The following PTPRB variants were observed in gnomAD, a reference collection of about 807,000 sequenced individuals.
PTPRB encodes the protein protein tyrosine phosphatase receptor type B, also known as receptor-type tyrosine-protein phosphatase beta.
PTPRB carries 97 observed loss-of-function variants against 238.1 expected under a neutral mutation model. That is an observed-to-expected ratio of 0.41 (90% confidence interval 0.35 to 0.48). The LOEUF (loss-of-function observed/expected upper bound fraction) is 0.48. PTPRB is among the 20% of genes least tolerant of loss of function. The pLI is 0.30. For missense variants in PTPRB, 2,292 were observed against 2,681.9 expected (o/e 0.85, Z 3.21); for synonymous variants, 970 against 995.4 (o/e 0.97, Z 0.48).
At chr12:70,527,805 C>T (rs372867235) in intron 32 of PTPRB, 24 of 152,158 alleles carry the variant, frequency 1.6e-4, no homozygotes, top group African/African-American at 5.1e-4. Flanking sequence ...TGTCCTCTGT[C>T]TTTTGCTGAA....
At chr12:70,584,234 C>A (rs954477429) in intron 9 of PTPRB, among the ~76,000 whole-genome samples, 1 of 152,016 alleles carries the variant, frequency 6.6e-6, no homozygotes, top group Non-Finnish European at 1.5e-5. Context: ...TACTGTAGTT[C>A]AGAGAGAAAA....
intron 23 of PTPRB, chr12:70,540,628 A>AGAT: frequency 2.1e-6 from 1 of 482,070 alleles, no homozygotes; most frequent in East Asian, 3.6e-5. Flanking sequence ...ATAAAGCTAT[A>AGAT]GATGGCCCCT....
intron 32 of PTPRB, among the ~76,000 whole-genome samples, chr12:70,524,829 G>A (rs1872107932): frequency 6.6e-6 from 1 of 151,154 alleles, no homozygotes; most frequent in Admixed American, 6.6e-5. Flanking sequence ...ATATGTGTGT[G>A]TGCATATATG....
At chr12:70,582,269 T>G (rs1282721296) in intron 9 of PTPRB, among the ~76,000 whole-genome samples, 1 of 152,134 alleles carries the variant, frequency 6.6e-6, no homozygotes, top group Non-Finnish European at 1.5e-5. Flanking sequence ...TACAAAAGCG[T>G]TCATTAAAAA....
chr12:70,537,284 C>CAAA (rs58633138), intron 28 of PTPRB, among the ~76,000 whole-genome samples: 9 of 90,684 alleles, frequency 9.9e-5, no homozygotes, highest in African/African-American at 3.2e-4. Flanking sequence ...AAGACCATCT[C>CAAA]AAAAAAAAAA....
At chr12:70,634,277 A>G (rs1885585970) in intron 2 of PTPRB, among the ~76,000 whole-genome samples, 1 of 152,168 alleles carries the variant, frequency 6.6e-6, no homozygotes, top group Admixed American at 6.5e-5. Flanking sequence ...CCTAAGGAAA[A>G]GACTTAACAA....
chr12:70,588,769 A>G (rs1036089193), intron 8 of PTPRB, among the ~76,000 whole-genome samples: 1 of 152,134 alleles, frequency 6.6e-6, no homozygotes, highest in African/African-American at 2.4e-5. Flanking sequence ...CCTGGCCAAC[A>G]TGGTAAAATC....
At chr12:70,579,611 C>T (rs1266490872) in intron 10 of PTPRB, among the ~76,000 whole-genome samples, 3 of 150,180 alleles carry the variant, frequency 2.0e-5, no homozygotes, top group East Asian at 2.0e-4. Flanking sequence ...ACAGGAGAAT[C>T]GCTTGAACCA....
chr12:70,580,948 A>G, intron 10 of PTPRB, 88 bp downstream of exon 10: 3 of 1,426,350 alleles, frequency 2.1e-6, no homozygotes, highest in Non-Finnish European at 2.8e-6. Context: ...GATGAGTCTG[A>G]TTTTAGGATA....
chr12:70,534,033 G>A (rs1873703690), intron 31 of PTPRB, among the ~76,000 whole-genome samples: 2 of 152,334 alleles, frequency 1.3e-5, no homozygotes, highest in South Asian at 4.1e-4. Flanking sequence ...TGAAGGATAG[G>A]TAGGACTTAG....
chr12:70,562,833 C>G lies in PTPRB; in HGVS notation c.4168+11G>C. On this transcript the variant is annotated intron_variant, in intron 16 of 33. Transcript: ENST00000334414. ...CCCCACGATTCATTACTGCTTGGGT[C>G]TTGGTCTTACCTGTTCTACCAAATA... The G allele has an allele frequency of 5.0e-6, 8 of 1,612,400 alleles. No individual in the cohort carries two copies. Among genetic ancestry groups the G allele is most frequent in the Non-Finnish European group, 6.8e-6 (8 of 1,178,680 alleles).
chr12:70,578,897 A>G (rs927335028), intron 10 of PTPRB, among the ~76,000 whole-genome samples: 1 of 152,152 alleles, frequency 6.6e-6, no homozygotes, highest in African/African-American at 2.4e-5. Context: ...AGTTCTGGCC[A>G]GTGGAATGTG....
At chr12:70,614,672 A>G (rs1016590644) in intron 3 of PTPRB, among the ~76,000 whole-genome samples, 2 of 152,198 alleles carry the variant, frequency 1.3e-5, no homozygotes, top group Admixed American at 6.5e-5. Context: ...CCTAGGAGGT[A>G]GTTTTGTTAT....
intron 10 of PTPRB, among the ~76,000 whole-genome samples, chr12:70,579,695 CA>C (rs35887706): frequency 0.36 from 32,596 of 90,656 alleles, 3,391 homozygotes; most frequent in African/African-American, 0.49. Flanking sequence ...GACTCCATCT[CA>C]AAAAAAAAAA....
chr12:70,605,598 T>A (rs1371091518), intron 4 of PTPRB, among the ~76,000 whole-genome samples: 2 of 152,206 alleles, frequency 1.3e-5, no homozygotes, highest in African/African-American at 4.8e-5. Context: ...GGTAAGGAAA[T>A]GAATGAAGTG....
At chr12:70,569,252 A>T (rs930781572) in intron 14 of PTPRB, among the ~76,000 whole-genome samples, 3 of 151,860 alleles carry the variant, frequency 2.0e-5, no homozygotes, top group Admixed American at 6.6e-5. Flanking sequence ...ACAGGTGTGC[A>T]CCACCACGCC....
intron 4 of PTPRB, among the ~76,000 whole-genome samples, chr12:70,603,634 T>C (rs1207210561): frequency 6.6e-6 from 1 of 152,188 alleles, no homozygotes; most frequent in African/African-American, 2.4e-5. Context: ...CAATCTCATC[T>C]CCAACCTGGA....
At chr12:70,573,500 CT>C (rs1327407538) in intron 11 of PTPRB, among the ~76,000 whole-genome samples, 11 of 121,976 alleles carry the variant, frequency 9.0e-5, no homozygotes, top group African/African-American at 2.1e-4. Flanking sequence ...TTTTTCTTTT[CT>C]TTTCTTTTTT....
chr12:70,631,394 G>A (rs1056055339), intron 2 of PTPRB, among the ~76,000 whole-genome samples: 13 of 152,134 alleles, frequency 8.5e-5, no homozygotes, highest in Non-Finnish European at 1.6e-4. Flanking sequence ...AGCTGAAACT[G>A]GATCCCTTCC....
Sources: allele counts gnomAD v4.1 joint callset (sites outside exome capture counted in the v4.1 genomes callset), GRCh38; gene constraint gnomAD v4.1.1; transcripts MANE v1.5; gene names NCBI Gene and HGNC (gene_info 2026-07-23, HGNC 2026-07-21).